Variants in TAF1B observed in about 807,000 individuals in gnomAD.
TAF1B encodes the protein TATA-box binding protein associated factor, RNA polymerase I subunit B.
TAF1B carries 61 observed loss-of-function variants against 83.9 expected under a neutral mutation model. The ratio of observed to expected loss-of-function variants is 0.73; its 90% CI spans 0.59 to 0.90. The LOEUF is 0.90. Ranked by LOEUF, TAF1B falls within the 40% of genes least tolerant of loss-of-function variation. The probability of loss-of-function intolerance (pLI) is 0.00; values close to 1 mark genes in which losing one functional copy is unlikely to be tolerated. For synonymous variants in TAF1B, 221 were observed against 224.6 expected (o/e 0.98, Z 0.14); for missense variants, 625 against 677.0 (o/e 0.92, Z 0.85).
chr2:9,903,513 T>G (rs1665250192), intron 8 of TAF1B, among the ~76,000 whole-genome samples: 1 of 152,188 alleles, frequency 6.6e-6, no homozygotes, highest in Non-Finnish European at 1.5e-5. Flanking sequence ...GTTCTTAAAG[T>G]AAGTGCTAGA....
chr2:9,913,128 G>A, intron 11 of TAF1B, 31 bp from the exon 12 acceptor site: 3 of 1,536,074 alleles, frequency 2.0e-6, no homozygotes, highest in Non-Finnish European at 2.7e-6. Flanking sequence ...TGGTTTATTT[G>A]GTTAATAATC....
intron 12 of TAF1B, among the ~76,000 whole-genome samples, chr2:9,917,532 G>C (rs936814157): frequency 6.6e-6 from 1 of 152,102 alleles, no homozygotes; most frequent in African/African-American, 2.4e-5. Context: ...TTATTGTATA[G>C]GATTTAAAGA....
chr2:9,865,637 A>C (rs1663946667), intron 5 of TAF1B, among the ~76,000 whole-genome samples: 1 of 152,306 alleles, frequency 6.6e-6, no homozygotes, highest in African/African-American at 2.4e-5. Flanking sequence ...AGTCAATCCT[A>C]AGCCAAAAGA....
At chr2:9,896,405 C>A (rs1188846467) in intron 8 of TAF1B, among the ~76,000 whole-genome samples, 1 of 152,090 alleles carries the variant, frequency 6.6e-6, no homozygotes, top group Non-Finnish European at 1.5e-5. Context: ...GCATTTTCTT[C>A]CCCCCTTCCA....
At chr2:9,924,810 G>A (rs1414999667) in intron 14 of TAF1B, among the ~76,000 whole-genome samples, 1 of 152,220 alleles carries the variant, frequency 6.6e-6, no homozygotes, top group Non-Finnish European at 1.5e-5. Context: ...GTAAAATTGT[G>A]AAAACACTCA....
At chr2:9,868,903 A>C (rs187427481) in intron 6 of TAF1B, 1 of 341,272 alleles carries the variant, frequency 2.9e-6, no homozygotes, top group African/African-American at 2.2e-5. Context: ...GAAATAAATA[A>C]GGAATGTATT....
chr2:9,910,807 G>T lies in TAF1B; in HGVS notation c.1027G>T (p.Asp343Tyr). 6.2e-7 allele frequency: 1 copy of T among 1,613,720 alleles called. No homozygotes were observed. The highest frequency in any genetic ancestry group is 1.7e-5 in the Admixed American group (1 of 59,972). The change falls in exon 10 of 15, where the codon GAT (aspartate) becomes TAT (tyrosine). Residue 343 changes from aspartate to tyrosine, a missense_variant. Transcript: ENST00000263663. ...GGGAGAAGTGGATTTTCTGACATTT[G>T]ATCCTATAGCTAAAATGGCAAAAAC... ...GMGEVDFLTF[D>Y]PIAKMAKTVK...
At position 9,904,900 on chromosome 2, in the gene TAF1B, A is replaced by C; in HGVS notation, c.849A>C (p.Glu283Asp). The C allele has an allele frequency of 6.2e-7, 1 of 1,610,266 alleles. No homozygotes were observed. Among genetic ancestry groups the C allele is most frequent in the Non-Finnish European group, 8.5e-7 (1 of 1,176,514 alleles). Reference protein sequence around the residue: ...DYEDIYKKTVEVGTFLDLPRF... With the variant: ...DYEDIYKKTVDVGTFLDLPRF... ...AGGACATCTACAAAAAAACAGTAGA[A>C]GTTGGAACATTTTTAGATTTGCCTC... Residue 283 changes from glutamate to aspartate, a missense_variant, in exon 9 of 15, where the codon GAA (glutamate) becomes GAC (aspartate). Coordinates refer to ENST00000263663, the MANE Select transcript of TAF1B (RefSeq NM_005680.3).
chr2:9,903,669 C>T (rs952962704), intron 8 of TAF1B, among the ~76,000 whole-genome samples: 1 of 152,106 alleles, frequency 6.6e-6, no homozygotes, highest in African/African-American at 2.4e-5. Context: ...ATGTGGAAAG[C>T]ACGTGAATAT....
chr2:9,871,392 T>C (rs1459129523), intron 6 of TAF1B, among the ~76,000 whole-genome samples: 1 of 152,104 alleles, frequency 6.6e-6, no homozygotes, highest in Non-Finnish European at 1.5e-5. Context: ...AGGATCTCTC[T>C]TTACCACCAT....
chr2:9,907,695 ATCATTTATGTAATTTCTGTT>A (rs1665388426), intron 9 of TAF1B, among the ~76,000 whole-genome samples: 1 of 152,034 alleles, frequency 6.6e-6, no homozygotes, highest in Admixed American at 6.6e-5. Context: ...GGCTTTCATG[ATCATTTATGTAATTTCTGTT>A]TCATGTATGT....
chr2:9,875,174 G>C (rs1664286303), intron 6 of TAF1B, among the ~76,000 whole-genome samples: 1 of 152,036 alleles, frequency 6.6e-6, no homozygotes, highest in Non-Finnish European at 1.5e-5. Flanking sequence ...ATGTTGACCA[G>C]GCTGGTTTCG....
intron 8 of TAF1B, among the ~76,000 whole-genome samples, chr2:9,894,504 G>T (rs1455634843): frequency 3.9e-5 from 6 of 152,282 alleles, no homozygotes; most frequent in Admixed American, 2.0e-4. Context: ...ATATGAAAAA[G>T]TTAGCAGTTC....
intron 9 of TAF1B, among the ~76,000 whole-genome samples, chr2:9,907,950 A>T (rs1665397812): frequency 6.9e-6 from 1 of 144,090 alleles, no homozygotes; most frequent in Non-Finnish European, 1.5e-5. Context: ...TCTTGCTACC[A>T]TTCTCATCAT....
intron 1 of TAF1B, chr2:9,844,264 C>T (rs983995391): frequency 2.0e-5 from 3 of 152,184 alleles, no homozygotes; most frequent in African/African-American, 7.2e-5. Flanking sequence ...ATCCTTCCGC[C>T]TCAGCCTTCC....
At chr2:9,881,113 C>T (rs1664490407) in intron 7 of TAF1B, among the ~76,000 whole-genome samples, 1 of 152,108 alleles carries the variant, frequency 6.6e-6, no homozygotes, top group Admixed American at 6.5e-5. Flanking sequence ...GCAGGCAGAT[C>T]ACTTGAGGTC....
intron 8 of TAF1B, among the ~76,000 whole-genome samples, chr2:9,890,549 T>C (rs1364834874): frequency 6.6e-6 from 1 of 152,204 alleles, no homozygotes; most frequent in Admixed American, 6.5e-5. Flanking sequence ...CTTAAATCTT[T>C]TCCCCTAAAT....
chr2:9,929,806 G>A (rs555197073), intron 14 of TAF1B, among the ~76,000 whole-genome samples: 77 of 152,166 alleles, frequency 5.1e-4, no homozygotes, highest in African/African-American at 1.7e-3. Flanking sequence ...CTGTGAATCC[G>A]TCTGGTCCTG....
intron 12 of TAF1B, among the ~76,000 whole-genome samples, chr2:9,916,713 A>G (rs1572282156): frequency 6.6e-6 from 1 of 152,122 alleles, no homozygotes; most frequent in Non-Finnish European, 1.5e-5. Context: ...ACTCTCTGAT[A>G]TATTTTAAAT....
Sources: gnomAD v4.1 joint callset for allele counts (sites outside exome capture counted in the v4.1 genomes callset) on GRCh38, gnomAD v4.1.1 for gene constraint, MANE v1.5 for transcripts, NCBI Gene and HGNC (gene_info 2026-07-23, HGNC 2026-07-21) for gene names.